The following CACNA1D variants were observed in gnomAD, a reference collection of about 807,000 sequenced individuals.
CACNA1D encodes the protein calcium voltage-gated channel subunit alpha1 D.
Under a neutral mutation model 257.1 loss-of-function variants are expected in CACNA1D, and 55 were observed. The observed-to-expected ratio is 0.21, with a 90% CI of 0.17 to 0.27. CACNA1D has a LOEUF of 0.27. Ranked by LOEUF, CACNA1D falls within the 10% of genes least tolerant of loss-of-function variation. CACNA1D has a pLI of 1.00. For missense variants in CACNA1D, 1,876 were observed against 2,784.0 expected (o/e 0.67, Z 7.34); for synonymous variants, 980 against 1,014.9 (o/e 0.97, Z 0.65).
intron 3 of CACNA1D, among the ~76,000 whole-genome samples, chr3:53,613,422 A>G (rs1331211071): frequency 1.3e-5 from 2 of 152,148 alleles, no homozygotes; most frequent in African/African-American, 4.8e-5. Context: ...AGAGCGTAGT[A>G]TCTGAATAAG....
At chr3:53,666,558 T>C in intron 7 of CACNA1D, 23 bp downstream of exon 7, 1 of 1,588,082 alleles carries the variant, frequency 6.3e-7, no homozygotes, top group Non-Finnish European at 8.6e-7. Flanking sequence ...GGGAGAGAGT[T>C]TATGGAGTGT....
chr3:53,558,023 A>G (rs1291456864), intron 3 of CACNA1D, among the ~76,000 whole-genome samples: 2 of 152,206 alleles, frequency 1.3e-5, no homozygotes, highest in Admixed American at 6.5e-5. Context: ...GCTTCTGTTG[A>G]GTTGATCATG....
intron 7 of CACNA1D, among the ~76,000 whole-genome samples, chr3:53,668,198 T>C (rs536492187): frequency 6.6e-6 from 1 of 152,312 alleles, no homozygotes; most frequent in South Asian, 2.1e-4. Flanking sequence ...TTTCTCTCTA[T>C]TGACATGGTG....
At position 53,803,351 on chromosome 3, in the gene CACNA1D, G is replaced by A. The variant is rs1256869795; in HGVS notation, c.5436-72G>A. On this transcript the variant is annotated intron_variant, in intron 43 of 47. Transcript: ENST00000350061. ...CACCCGGGCAGGGTTGCCGGCCACA[G>A]GCAGAGGTGCAGCTGCAGCAGGAAT... The A allele has an allele frequency of 3.2e-6, 5 of 1,584,482 alleles. No individual in the cohort carries two copies. In the East Asian group the frequency reaches 1.1e-4, roughly 35 times the overall value.
intron 3 of CACNA1D, among the ~76,000 whole-genome samples, chr3:53,504,997 C>G (rs35681315): frequency 6.6e-6 from 1 of 152,090 alleles, no homozygotes; most frequent in African/African-American, 2.4e-5. Context: ...GCACTCACCT[C>G]TAAGCCATCT....
chr3:53,656,237 C>G (rs1206785920), intron 4 of CACNA1D, among the ~76,000 whole-genome samples: 4 of 152,126 alleles, frequency 2.6e-5, no homozygotes, highest in Non-Finnish European at 5.9e-5. Context: ...TGTTGTTTTG[C>G]TTAGGATTGC....
chr3:53,611,325 CA>C (rs1372027515), intron 3 of CACNA1D, among the ~76,000 whole-genome samples: 1 of 152,162 alleles, frequency 6.6e-6, no homozygotes, highest in Non-Finnish European at 1.5e-5. Flanking sequence ...TTGGAGGCTG[CA>C]GTTGAGTCAT....
chr3:53,754,573 G>A (rs185069700), intron 29 of CACNA1D, among the ~76,000 whole-genome samples: 9 of 152,266 alleles, frequency 5.9e-5, no homozygotes, highest in East Asian at 3.9e-4. Context: ...GCGGACTGTC[G>A]GCCACTGCTG....
rs149710781 is a variant in CACNA1D at position 53,585,623 on chromosome 3, G to A, written c.484-65156G>A. On this transcript the variant is annotated intron_variant, in intron 3 of 47. Transcript: ENST00000350061. ...GCAGGAGAGAGAGAGTGAAGACCTT[G>A]TCCTTGTCTGGGGCGGCCCTGTTTC... Among the ~76,000 whole-genome samples the A allele has an allele frequency of 9.1e-3, 1,377 of 152,130 alleles. 23 individuals carry two copies. Among genetic ancestry groups the A allele is most frequent in the African/African-American group, 0.031 (1,288 of 41,464 alleles).
At position 53,749,122 on chromosome 3, in the gene CACNA1D, C is replaced by A. The variant is rs1416904773; in HGVS notation, c.3315-146C>A. ...TTGGGCCTGAGGCTGATGGGAGAGA[C>A]CTGGTTGTGTCCAGCAGCCTTGGGG... On this transcript the variant is annotated intron_variant, in intron 26 of 47. Coordinates refer to ENST00000350061, the MANE Select transcript of CACNA1D (RefSeq NM_001128840.3). The A allele has an allele frequency of 7.6e-5, 54 of 711,656 alleles. No homozygotes were observed. In the Admixed American group the frequency reaches 1.0e-3, roughly 14 times the overall value. The allele number at this position is 711,656 out of a possible 1,614,324, so 44.1% of individuals were successfully genotyped here.
intron 3 of CACNA1D, among the ~76,000 whole-genome samples, chr3:53,574,538 G>A (rs1396634745): frequency 6.6e-6 from 1 of 152,170 alleles, no homozygotes; most frequent in Non-Finnish European, 1.5e-5. Context: ...AAAGGCGGGG[G>A]CTTGTTTTCA....
chr3:53,789,945 G>C lies in CACNA1D; in HGVS notation c.4923+2993G>C, dbSNP rs1227748140. On this transcript the variant is annotated intron_variant, in intron 40 of 47. Transcript: ENST00000350061. This position sits in a 1 kb window ranked among gnomAD's most constrained non-coding sequence, Gnocchi z 4.2. ...GGCTTGAGCTCCTGGATCCATGTGTGGGAAGGAGCTCGGCATCCGGTGTCT... is the reference window on the plus strand; with the variant it reads ...GGCTTGAGCTCCTGGATCCATGTGTCGGAAGGAGCTCGGCATCCGGTGTCT... 6.6e-6 allele frequency among the ~76,000 whole-genome samples: 1 copy of C among 152,216 alleles called. No individual in the cohort carries two copies. Among genetic ancestry groups the C allele is most frequent in the Non-Finnish European group, 1.5e-5 (1 of 68,044 alleles).
At position 53,744,800 on chromosome 3, in the gene CACNA1D, G is replaced by A. The variant is rs1559611999; in HGVS notation, c.2979G>A (p.Arg993=). 1 of 1,608,234 alleles carries A rather than the reference G, an allele frequency of 6.2e-7. No homozygotes were observed. ...LRVLRVLRPL[R]AINRAKGLKH... is the part of the protein sequence containing the mutation. ...TCTTAAGGGTCCTGCGTCCCCTCAG[G>A]GCCATCAACAGAGCAAAAGGACTTA... The change falls in exon 23 of 48, where the codon AGG becomes AGA. Residue 993 remains arginine, a synonymous_variant. Coordinates refer to ENST00000350061, the MANE Select transcript of CACNA1D (RefSeq NM_001128840.3).
At chr3:53,786,288 G>A (rs752005410) in intron 39 of CACNA1D, 11 of 161,862 alleles carry the variant, frequency 6.8e-5, no homozygotes, top group South Asian at 5.1e-4. Flanking sequence ...AATAGGGGGC[G>A]GGGAGCTCAT....
chr3:53,542,799 A>G (rs865962259), intron 3 of CACNA1D, among the ~76,000 whole-genome samples: 68 of 152,242 alleles, frequency 4.5e-4, no homozygotes, highest in African/African-American at 1.6e-3. Flanking sequence ...TCACGCCTGT[A>G]ATCTTAGCAC....
At chr3:53,504,055 G>GT (rs529982644) in intron 3 of CACNA1D, among the ~76,000 whole-genome samples, 8,075 of 140,734 alleles carry the variant, frequency 0.057, 428 homozygotes, top group East Asian at 0.17. Context: ...CTGGTTTTTT[G>GT]TTTTTTTTTT....
At chr3:53,762,951 C>G (rs542372025) in intron 30 of CACNA1D, among the ~76,000 whole-genome samples, 1 of 152,178 alleles carries the variant, frequency 6.6e-6, no homozygotes, top group Non-Finnish European at 1.5e-5. Context: ...GTCGTGTGAC[C>G]GTGGAAGTCA....
At chr3:53,756,458 G>A (rs1427060064) in intron 29 of CACNA1D, among the ~76,000 whole-genome samples, 2 of 152,202 alleles carry the variant, frequency 1.3e-5, no homozygotes, top group African/African-American at 4.8e-5. Context: ...GCACTGGTCA[G>A]GCAAGAGTGG....
intron 29 of CACNA1D, among the ~76,000 whole-genome samples, chr3:53,761,421 C>T (rs991376466): frequency 6.6e-5 from 10 of 152,208 alleles, no homozygotes; most frequent in Non-Finnish European, 8.8e-5. Context: ...ATTATCTACC[C>T]GTCTGTGTCG....
Sources: allele counts gnomAD v4.1 joint callset (sites outside exome capture counted in the v4.1 genomes callset), GRCh38; gene constraint gnomAD v4.1.1; non-coding constraint Gnocchi (gnomAD v3.1); transcripts MANE v1.5; gene names NCBI Gene and HGNC (gene_info 2026-07-23, HGNC 2026-07-21).